Variants in RCAN1 observed in about 807,000 individuals in gnomAD.
RCAN1 encodes regulator of calcineurin 1.
RCAN1 carries 11 observed loss-of-function variants against 22.9 expected under a neutral mutation model. That is an observed-to-expected ratio of 0.48 (90% confidence interval 0.30 to 0.79). RCAN1 has a LOEUF of 0.79. Ranked by LOEUF, RCAN1 falls within the 30% of genes least tolerant of loss-of-function variation. RCAN1 has a pLI of 0.06. For synonymous variants in RCAN1, 136 were observed against 142.3 expected, an observed-to-expected ratio of 0.96 and a Z score of 0.32; for missense variants, 291 against 337.8, an observed-to-expected ratio of 0.86 and a Z score of 1.09.
chr21:34,520,647 G>A (rs767201256), intron 3 of RCAN1, among the ~76,000 whole-genome samples: 4 of 152,136 alleles, frequency 2.6e-5, no homozygotes, highest in African/African-American at 2.4e-5. Flanking sequence ...CTTGCTCCAC[G>A]GACAGAGCAG....
At chr21:34,524,928 A>C (rs1984907145) in intron 1 of RCAN1, among the ~76,000 whole-genome samples, 1 of 152,190 alleles carries the variant, frequency 6.6e-6, no homozygotes. Context: ...GGAAGACTGC[A>C]TGGGCTTCTA....
In RCAN1 at chr21:34,576,825, G is replaced by C. The variant is rs2123691103; in HGVS notation, c.252+37935C>G. On this transcript the variant is annotated intron_variant, in intron 1 of 3. Coordinates refer to ENST00000313806, the MANE Select transcript of RCAN1 (RefSeq NM_004414.7). ...AGCTAATGGATAATACTTTGTCTTT[G>C]GTTCAATTATAGGACTTGGTTTCTA... Among the ~76,000 whole-genome samples the C allele has an allele frequency of 2.0e-5, 3 of 152,308 alleles. 1 individual carries two copies. Among genetic ancestry groups the C allele is most frequent in the Middle Eastern group, 3.4e-3 (1 of 294 alleles).
chr21:34,605,820 C>T (rs893828484), intron 1 of RCAN1, among the ~76,000 whole-genome samples: 2 of 150,564 alleles, frequency 1.3e-5, no homozygotes, highest in African/African-American at 2.4e-5. Flanking sequence ...TTCAGGAGGC[C>T]GAGGCAGGAC....
intron 1 of RCAN1, among the ~76,000 whole-genome samples, chr21:34,544,057 G>C: frequency 6.6e-6 from 1 of 152,256 alleles, no homozygotes; most frequent in Non-Finnish European, 1.5e-5. Context: ...ATGTGCATAG[G>C]TAGGTGCTTT....
At position 34,523,708 on chromosome 21, in the gene RCAN1, G is replaced by A; in HGVS notation, c.255C>T (p.Ala85=). 5 of 1,609,758 alleles carry A rather than the reference G, an allele frequency of 3.1e-6. No homozygotes were observed. Among genetic ancestry groups the A allele is most frequent in the East Asian group, 4.5e-5 (2 of 44,818 alleles). The change falls in exon 2 of 4, where the codon GCC becomes GCT. Residue 85 remains alanine (A), a splice_region_variant and synonymous_variant. Coordinates refer to ENST00000313806, the MANE Select transcript of RCAN1 (RefSeq NM_004414.7). The part of the protein sequence containing the change: ...PRVFVDGLCR[A]KFESLFRTYD... ...ACGTCCTAAAGAGGGACTCAAATTT[G>A]GCCTGAAAAATAACAATAAAAATAA...
chr21:34,582,980 T>C (rs187057013), intron 1 of RCAN1, among the ~76,000 whole-genome samples: 2 of 151,800 alleles, frequency 1.3e-5, no homozygotes, highest in Admixed American at 1.3e-4. Flanking sequence ...AGAGAGAGCC[T>C]CTTGCTGGTT....
chr21:34,596,803 G>A (rs1390005951), intron 1 of RCAN1, among the ~76,000 whole-genome samples: 1 of 152,250 alleles, frequency 6.6e-6, no homozygotes, highest in Non-Finnish European at 1.5e-5. Flanking sequence ...GCACTGTGGA[G>A]TGAAGGAGCT....
intron 1 of RCAN1, among the ~76,000 whole-genome samples, chr21:34,571,040 TC>T (rs1282102135): frequency 1.3e-5 from 2 of 152,100 alleles, no homozygotes; most frequent in Non-Finnish European, 2.9e-5. Flanking sequence ...AACCCTGTAA[TC>T]CCAGCACTTT....
At chr21:34,574,345 C>T (rs1987336072) in intron 1 of RCAN1, among the ~76,000 whole-genome samples, 2 of 152,168 alleles carry the variant, frequency 1.3e-5, no homozygotes, top group Non-Finnish European at 2.9e-5. Context: ...TGAGATACTA[C>T]GTATATTTTC....
intron 1 of RCAN1, among the ~76,000 whole-genome samples, chr21:34,563,653 A>G (rs2123668441): frequency 6.6e-6 from 1 of 151,528 alleles, no homozygotes; most frequent in Admixed American, 6.6e-5. Context: ...TCATGTCTGT[A>G]ATCCCAGCAC....
chr21:34,570,691 G>C (rs549168939), intron 1 of RCAN1, among the ~76,000 whole-genome samples: 1 of 146,676 alleles, frequency 6.8e-6, no homozygotes, highest in East Asian at 2.0e-4. Context: ...TACATGAAGT[G>C]CACAATCAAC....
chr21:34,527,871 A>AG (rs1488207930), intron 1 of RCAN1, among the ~76,000 whole-genome samples: 1 of 145,294 alleles, frequency 6.9e-6, no homozygotes, highest in Admixed American at 6.8e-5. Flanking sequence ...AAAAAAAAAA[A>AG]GGAAAGGAAG....
Position 34,518,370 on chromosome 21 carries a change from G to A in RCAN1, c.587-114C>T. The A allele has an allele frequency of 2.7e-6, 3 of 1,092,898 alleles. No homozygotes were observed. Among genetic ancestry groups the A allele is most frequent in the Non-Finnish European group, 2.6e-6 (2 of 774,314 alleles). The allele number at this position is 1,092,898 out of a possible 1,614,324, so 67.7% of individuals were successfully genotyped here. On this transcript the variant is annotated intron_variant, in intron 3 of 3. Coordinates refer to ENST00000313806, the MANE Select transcript of RCAN1 (RefSeq NM_004414.7). This position sits in a 1 kb window ranked among gnomAD's most constrained non-coding sequence, Gnocchi z 4.2. ...GCCAGCTGCTCGTGACCATTCGATT[G>A]GGCTGAGAGACACAGCCAGACATAT...
chr21:34,557,058 C>T (rs1004371265), intron 1 of RCAN1, among the ~76,000 whole-genome samples: 1 of 152,068 alleles, frequency 6.6e-6, no homozygotes, highest in African/African-American at 2.4e-5. Flanking sequence ...ACTAAAAATA[C>T]AAAAATTAGC....
chr21:34,577,929 TC>T (rs1568919329), intron 1 of RCAN1, among the ~76,000 whole-genome samples: 2 of 152,038 alleles, frequency 1.3e-5, no homozygotes, highest in Admixed American at 1.3e-4. Context: ...CAGGAACAGA[TC>T]AAGGCTCAGC....
chr21:34,558,761 C>T (rs1418673028), intron 1 of RCAN1, among the ~76,000 whole-genome samples: 2 of 152,216 alleles, frequency 1.3e-5, no homozygotes, highest in African/African-American at 4.8e-5. Flanking sequence ...TTTCCAGTAA[C>T]AAACTGAGTT....
intron 1 of RCAN1, among the ~76,000 whole-genome samples, chr21:34,582,926 GTGGA>G (rs1211518432): frequency 6.6e-6 from 1 of 152,192 alleles, no homozygotes; most frequent in Admixed American, 6.5e-5. Flanking sequence ...GCTGTGCGGT[GTGGA>G]GATGGAGGCT....
intron 1 of RCAN1, among the ~76,000 whole-genome samples, chr21:34,549,203 T>G (rs999303492): frequency 3.9e-5 from 6 of 152,178 alleles, no homozygotes; most frequent in Non-Finnish European, 1.5e-5. Context: ...GTTGGTGTGC[T>G]CTGACTCATG....
chr21:34,607,228 T>C (rs1277115482), intron 1 of RCAN1, among the ~76,000 whole-genome samples: 1 of 152,234 alleles, frequency 6.6e-6, no homozygotes, highest in Non-Finnish European at 1.5e-5. Context: ...CTTAGTAACC[T>C]AGCTATAGTC....
Sources: allele counts gnomAD v4.1 joint callset (sites outside exome capture counted in the v4.1 genomes callset), GRCh38; gene constraint gnomAD v4.1.1; non-coding constraint Gnocchi (gnomAD v3.1); transcripts MANE v1.5; gene names NCBI Gene and HGNC (gene_info 2026-07-23, HGNC 2026-07-21).